Variants in DIAPH2 observed in about 807,000 individuals in gnomAD.
DIAPH2 encodes the protein protein diaphanous homolog 2.
Under a neutral mutation model 92.7 loss-of-function variants are expected in DIAPH2, and 35 were observed. That is an observed-to-expected ratio of 0.38 (90% CI 0.29 to 0.50). The LOEUF (loss-of-function observed/expected upper bound fraction) is 0.50. Ranked by LOEUF, DIAPH2 falls within the 20% of genes least tolerant of loss-of-function variation. The pLI is 0.94. For missense variants in DIAPH2, 701 were observed against 819.5 expected (o/e 0.86, Z 1.77); for synonymous variants, 301 against 280.4 (o/e 1.07, Z -0.73).
chrX:97,360,730 A>C (rs1602534772), intron 24 of DIAPH2, among the ~76,000 whole-genome samples: 2 of 112,579 alleles, frequency 1.8e-5, no homozygotes, highest in Middle Eastern at 9.3e-3. Flanking sequence ...GGTGTTCCCC[A>C]AAAACTTGAA....
At chrX:97,483,987 A>G (rs1439002433) in intron 26 of DIAPH2, among the ~76,000 whole-genome samples, 2 of 112,146 alleles carry the variant, frequency 1.8e-5, no homozygotes, top group Non-Finnish European at 3.8e-5. Flanking sequence ...TAAAAAAATC[A>G]TGAGAATTAC....
intron 1 of DIAPH2, among the ~76,000 whole-genome samples, chrX:96,703,068 G>A (rs185503111): frequency 6.3e-4 from 70 of 111,814 alleles, no homozygotes; most frequent in Non-Finnish European, 1.1e-3. Flanking sequence ...GGAAGTTAGG[G>A]CATGTTTGAG....
At chrX:97,579,851 C>T (rs868485751) in intron 26 of DIAPH2, among the ~76,000 whole-genome samples, 137 of 109,442 alleles carry the variant, frequency 1.3e-3, no homozygotes, top group Middle Eastern at 4.7e-3. Flanking sequence ...CCTTGAGCAG[C>T]GGTTTGTAGT....
chrX:96,994,377 G>A (rs897954872), intron 17 of DIAPH2, among the ~76,000 whole-genome samples: 3 of 111,636 alleles, frequency 2.7e-5, no homozygotes, highest in Non-Finnish European at 3.8e-5. Flanking sequence ...CGATGAGGAT[G>A]AATGGGAAAA....
intron 16 of DIAPH2, 37 bp downstream of exon 16, chrX:96,958,185 C>T (rs760618885): frequency 8.4e-7 from 1 of 1,186,521 alleles, no homozygotes; most frequent in Non-Finnish European, 1.1e-6. Flanking sequence ...CTTTGTCTAG[C>T]TTTTGTTGAT....
intron 1 of DIAPH2, among the ~76,000 whole-genome samples, chrX:96,699,207 A>G (rs766365766): frequency 3.6e-5 from 4 of 112,047 alleles, no homozygotes; most frequent in Non-Finnish European, 5.6e-5. Flanking sequence ...TTGTTTTTCA[A>G]ATACTTCTTA....
chrX:97,545,768 C>G lies in DIAPH2; in HGVS notation c.3242-53485C>G, dbSNP rs752250360. Among the ~76,000 whole-genome samples the G allele has an allele frequency of 1.6e-3, 173 of 106,679 alleles. 1 individual carries two copies. Among genetic ancestry groups the G allele is most frequent in the South Asian group, 0.014 (32 of 2,342 alleles). 92.6% of individuals were successfully genotyped at this position (106,679 alleles called of 115,157 possible). ...TGTCAGGAGGAATTAATAATCTTGC[C>G]TTTGAGTGAATTTAGAAGCAATGAG... On this transcript the variant is annotated intron_variant, in intron 26 of 26. Coordinates refer to ENST00000324765, the MANE Select transcript of DIAPH2 (RefSeq NM_006729.5).
At chrX:97,148,383 C>T (rs2067261264) in intron 22 of DIAPH2, among the ~76,000 whole-genome samples, 1 of 112,235 alleles carries the variant, frequency 8.9e-6, no homozygotes. Flanking sequence ...CATAATCTTT[C>T]TAGCTCCATT....
chrX:96,718,374 T>A (rs929776346), intron 1 of DIAPH2, among the ~76,000 whole-genome samples: 31 of 79,714 alleles, frequency 3.9e-4, no homozygotes, highest in African/African-American at 1.2e-3. Context: ...TTTTTTTTTT[T>A]ATGGTGTCTC....
intron 22 of DIAPH2, among the ~76,000 whole-genome samples, chrX:97,171,934 C>A (rs1409362649): frequency 9.5e-6 from 1 of 104,830 alleles, no homozygotes; most frequent in Non-Finnish European, 1.9e-5. Flanking sequence ...AGCAAGACTC[C>A]GTCTCAAAAA....
chrX:96,796,513 C>T (rs1466844869), intron 4 of DIAPH2, among the ~76,000 whole-genome samples: 1 of 111,720 alleles, frequency 9.0e-6, no homozygotes. Flanking sequence ...GTCCTTTGTT[C>T]CTTTAACTCT....
At chrX:97,359,632 G>A (rs2069304207) in intron 24 of DIAPH2, among the ~76,000 whole-genome samples, 1 of 93,828 alleles carries the variant, frequency 1.1e-5, no homozygotes, top group Non-Finnish European at 2.1e-5. Flanking sequence ...AGGCTGTAGT[G>A]AAGTGGCAGG....
intron 22 of DIAPH2, among the ~76,000 whole-genome samples, chrX:97,235,436 T>G (rs909287515): frequency 7.3e-5 from 8 of 109,251 alleles, no homozygotes; most frequent in Non-Finnish European, 1.5e-4. Context: ...AAACCCCATC[T>G]CTACTCAAAA....
chrX:97,220,910 G>T, intron 22 of DIAPH2, among the ~76,000 whole-genome samples: 1 of 111,469 alleles, frequency 9.0e-6, no homozygotes, highest in Non-Finnish European at 1.9e-5. Flanking sequence ...TGGTCTCCAG[G>T]TGAATAATAA....
intron 4 of DIAPH2, among the ~76,000 whole-genome samples, chrX:96,787,865 C>A (rs866035922): frequency 1.0e-5 from 1 of 98,058 alleles, no homozygotes; most frequent in Non-Finnish European, 2.1e-5. Context: ...TAATTTTTTT[C>A]TTTTTTTTTT....
At chrX:97,193,972 A>T (rs1049531823) in intron 22 of DIAPH2, among the ~76,000 whole-genome samples, 1 of 111,925 alleles carries the variant, frequency 8.9e-6, no homozygotes, top group Non-Finnish European at 1.9e-5. Flanking sequence ...TATCTTTTAC[A>T]TACATTGTCA....
intron 4 of DIAPH2, among the ~76,000 whole-genome samples, chrX:96,842,146 G>A (rs1254265650): frequency 8.9e-6 from 1 of 111,841 alleles, no homozygotes; most frequent in Non-Finnish European, 1.9e-5. Context: ...TGTTCATGAT[G>A]TTCTTCCTTT....
chrX:97,346,585 A>T (rs758322854), intron 23 of DIAPH2, among the ~76,000 whole-genome samples: 4 of 112,238 alleles, frequency 3.6e-5, no homozygotes, highest in Non-Finnish European at 5.6e-5. Context: ...TATAAGTTTT[A>T]TGTGACACAG....
chrX:97,302,336 C>A (rs1014794241), intron 23 of DIAPH2, among the ~76,000 whole-genome samples: 8 of 109,651 alleles, frequency 7.3e-5, no homozygotes, highest in Non-Finnish European at 3.8e-5. Flanking sequence ...CAAGACCAAC[C>A]TGGCCAATAT....
Sources: allele counts gnomAD v4.1 joint callset (sites outside exome capture counted in the v4.1 genomes callset), GRCh38; gene constraint gnomAD v4.1.1; transcripts MANE v1.5; gene names NCBI Gene and HGNC (gene_info 2026-07-23, HGNC 2026-07-21).